Variants in SLC24A5 observed in about 807,000 individuals in gnomAD.
The protein encoded by SLC24A5 is sodium/potassium/calcium exchanger 5.
Under a neutral mutation model 51.6 loss-of-function variants are expected in SLC24A5, and 46 were observed. The ratio of observed to expected loss-of-function variants is 0.89; its 90% CI spans 0.70 to 1.14. The LOEUF is 1.14. Ranked by LOEUF, SLC24A5 falls within the 50% of genes most tolerant of loss-of-function variation. SLC24A5 has a pLI of 0.00. For synonymous variants in SLC24A5, 230 were observed against 214.9 expected (o/e 1.07, Z -0.62); for missense variants, 581 against 604.1 (o/e 0.96, Z 0.40).
intron 2 of SLC24A5, among the ~76,000 whole-genome samples, chr15:48,129,036 T>C (rs2038761404): frequency 6.6e-6 from 1 of 152,080 alleles, no homozygotes; most frequent in South Asian, 2.1e-4. Context: ...AAGTGTCTTG[T>C]ATAAAAGAGG....
intron 2 of SLC24A5, chr15:48,122,736 G>A (rs1302269450): frequency 6.6e-6 from 1 of 152,394 alleles, no homozygotes; most frequent in Non-Finnish European, 1.5e-5. Context: ...CTTCACTGGT[G>A]CACTGGTCCC....
intron 2 of SLC24A5, chr15:48,122,322 G>A: frequency 1.8e-6 from 1 of 561,124 alleles, no homozygotes; most frequent in Non-Finnish European, 3.2e-6. Context: ...TATAAGAACT[G>A]TTCCAAGATT....
chr15:48,134,594 C>T, intron 4 of SLC24A5, 56 bp downstream of exon 4: 2 of 1,405,980 alleles, frequency 1.4e-6, no homozygotes, highest in South Asian at 1.2e-5. Flanking sequence ...CTAAAGATAA[C>T]TGTTCGTCGT....
chr15:48,136,829 C>T lies in SLC24A5; in HGVS notation c.737C>T (p.Pro246Leu), dbSNP rs369645952. 15 of 1,613,806 alleles carry T rather than the reference C, an allele frequency of 9.3e-6. No individual in the cohort carries two copies. In the African/African-American group the frequency reaches 1.2e-4, roughly 13 times the overall value. Residue 246 changes from proline to leucine, a missense_variant, in exon 6 of 9, where the codon CCA becomes CTA. Coordinates refer to ENST00000341459, the MANE Select transcript of SLC24A5 (RefSeq NM_205850.3). ...GCTATGGAGAGAAGTGAACAACAGCCACTGATGGGCTGGGAAGATGAAGGT... is the reference window on the plus strand; with the variant it reads ...GCTATGGAGAGAAGTGAACAACAGCTACTGATGGGCTGGGAAGATGAAGGT... ...AKAMERSEQQPLMGWEDEGQP... is the reference protein window; with the variant it reads ...AKAMERSEQQLLMGWEDEGQP...
chr15:48,121,807 G>A (rs147570873), intron 1 of SLC24A5, 50 bp from the exon 2 acceptor site: 1 of 1,584,122 alleles, frequency 6.3e-7, no homozygotes, highest in Non-Finnish European at 8.7e-7. Flanking sequence ...TGTGGGCTTG[G>A]AATGTGTGAC....
At chr15:48,124,475 A>T (rs2038710989) in intron 2 of SLC24A5, 1 of 152,152 alleles carries the variant, frequency 6.6e-6, no homozygotes. Context: ...TAAAAATGTT[A>T]ATCATATAAA....
At chr15:48,122,700 T>C (rs528913170) in intron 2 of SLC24A5, 1 of 152,982 alleles carries the variant, frequency 6.5e-6, no homozygotes, top group East Asian at 1.9e-4. Context: ...CAGCAGTATA[T>C]GTTGCCCAGA....
Position 48,121,922 on chromosome 15 carries a change from G to A in SLC24A5, c.187G>A (p.Glu63Lys). The change falls in exon 2 of 9, where the codon GAG becomes AAG. Residue 63 changes from glutamate to lysine, a missense_variant. Physicochemically the swap from Glu to Lys is moderately conservative, Grantham distance 56. Coordinates refer to ENST00000341459, the MANE Select transcript of SLC24A5 (RefSeq NM_205850.3). Reference protein sequence around the residue: ...EFPEGFFTRQERRDGGIIIYF... With the variant: ...EFPEGFFTRQKRRDGGIIIYF... The stretch of plus-strand genomic sequence containing the variant: ...TCCCGAAGGGTTTTTCACGAGACAG[G>A]AGCGCAGAGATGGAGGCATCATAAT... 6.2e-7 allele frequency: 1 copy of A among 1,614,178 alleles called. No individual in the cohort carries two copies. The highest frequency in any genetic ancestry group is 8.5e-7 in the Non-Finnish European group (1 of 1,180,012).
At chr15:48,137,809 G>T (rs954089509) in intron 6 of SLC24A5, 1 of 152,152 alleles carries the variant, frequency 6.6e-6, no homozygotes, top group African/African-American at 2.4e-5. Flanking sequence ...AAGAAAAACA[G>T]CTGAGGTTTA....
At chr15:48,125,200 A>G (rs889749288) in intron 2 of SLC24A5, among the ~76,000 whole-genome samples, 13 of 151,634 alleles carry the variant, frequency 8.6e-5, no homozygotes, top group Admixed American at 6.6e-4. Flanking sequence ...AATGTACTAC[A>G]GTGTTATTTT....
Position 48,142,495 on chromosome 15 carries a change from T to C in SLC24A5, c.*144T>C, listed in dbSNP as rs887820558. The C allele has an allele frequency of 6.7e-6, 4 of 600,904 alleles. No homozygotes were observed. The highest frequency in any genetic ancestry group is 5.7e-5 in the African/African-American group (3 of 53,078). The allele number at this position is 600,904 out of a possible 1,614,324, so 37.2% of individuals were successfully genotyped here. ...TAATTTAAAACCAACCAAAATCACATCCTAATTTTTCTGAGCCCTTTCTTT... is the reference window on the plus strand; with the variant it reads ...TAATTTAAAACCAACCAAAATCACACCCTAATTTTTCTGAGCCCTTTCTTT... On this transcript the variant is annotated 3_prime_UTR_variant, in exon 9 of 9. Transcript: ENST00000341459.
chr15:48,138,861 T>G, intron 6 of SLC24A5, 108 bp from the exon 7 acceptor site: 4 of 831,960 alleles, frequency 4.8e-6, no homozygotes, highest in Non-Finnish European at 7.5e-6. Context: ...AAACAGCCTT[T>G]TAAAAACTGA....
In SLC24A5 at chr15:48,139,190, TACAATAGC is replaced by T; in HGVS notation, c.1078+20_1078+27del. On this transcript the variant is annotated intron_variant, in intron 7 of 8. Transcript: ENST00000341459. ...CACAATAACTGGTATGTATTTTAAGTACAATAGCACAACTTGAAAATATTCATATAAGA... is the reference window on the plus strand; with the variant it reads ...CACAATAACTGGTATGTATTTTAAGTACAACTTGAAAATATTCATATAAGA... 1 of 1,585,834 alleles carries T rather than the reference TACAATAGC, an allele frequency of 6.3e-7. No homozygotes were observed. Among genetic ancestry groups the T allele is most frequent in the African/African-American group, 1.3e-5 (1 of 74,444 alleles).
Position 48,141,178 on chromosome 15 carries a change from C to G in SLC24A5, c.1144C>G (p.Pro382Ala). 1 of 1,613,834 alleles carries G rather than the reference C, an allele frequency of 6.2e-7. No homozygotes were observed. Among genetic ancestry groups the G allele is most frequent in the East Asian group, 2.2e-5 (1 of 44,868 alleles). Residue 382 changes from proline to alanine, a missense_variant, in exon 8 of 9, where the codon CCA becomes GCA. By Grantham distance (27) the Pro-to-Ala change is conservative. Coordinates refer to ENST00000341459, the MANE Select transcript of SLC24A5 (RefSeq NM_205850.3). Reference sequence around the variant, plus strand: ...TTTATTAGCAGCAGGAACAAGCATACCAGACACAATTGCAAGTGTGTTGGT... The same window carrying G: ...TTTATTAGCAGCAGGAACAAGCATAGCAGACACAATTGCAAGTGTGTTGGT... ...LTLLAAGTSI[P>A]DTIASVLVAR...
At chr15:48,136,582 C>T (rs1159951530) in intron 5 of SLC24A5, 101 bp from the exon 6 acceptor site, 1 of 1,090,948 alleles carries the variant, frequency 9.2e-7, no homozygotes, top group African/African-American at 1.6e-5. Context: ...TGTTCTATGG[C>T]TACTTTTGTT....
chr15:48,129,345 T>C (rs1361147144), intron 2 of SLC24A5, among the ~76,000 whole-genome samples: 2 of 152,156 alleles, frequency 1.3e-5, no homozygotes, highest in African/African-American at 4.8e-5. Flanking sequence ...TAGGAATACA[T>C]TTGAAATTAA....
chr15:48,138,576 T>C (rs998337849), intron 6 of SLC24A5: 6 of 163,532 alleles, frequency 3.7e-5, no homozygotes, highest in Admixed American at 3.5e-4. Context: ...AGAGGCATCA[T>C]CAATATTATG....
intron 2 of SLC24A5, among the ~76,000 whole-genome samples, chr15:48,125,659 A>G (rs201934829): frequency 4.5e-4 from 69 of 152,336 alleles, no homozygotes; most frequent in African/African-American, 1.7e-3. Flanking sequence ...AAGAGAATAC[A>G]TTGAATTATT....
rs757628015 is a variant in SLC24A5, at chr15:48,121,833, C to G, written c.122-24C>G. ...AATGTGTGACTCCAAACTCTTCAAA[C>G]TTTCACCTCCTTTTCCTTAACAGGA... On this transcript the variant is annotated intron_variant, in intron 1 of 8. Transcript: ENST00000341459. The G allele has an allele frequency of 5.0e-6, 8 of 1,612,776 alleles. No individual in the cohort carries two copies. The African/African-American group carries it at 1.1e-4, about 22-fold the overall frequency.
Sources: gnomAD v4.1 joint callset for allele counts (sites outside exome capture counted in the v4.1 genomes callset) on GRCh38, gnomAD v4.1.1 for gene constraint, MANE v1.5 for transcripts, NCBI Gene and HGNC (gene_info 2026-07-23, HGNC 2026-07-21) for gene names.